Variants in MYO5A observed in about 807,000 individuals in gnomAD.
The protein encoded by MYO5A is unconventional myosin-Va.
A neutral mutation model predicts 249.7 loss-of-function variants in MYO5A; 98 were observed. The ratio of observed to expected loss-of-function variants is 0.39; its 90% CI spans 0.33 to 0.46. The LOEUF (loss-of-function observed/expected upper bound fraction) is 0.46. MYO5A is among the 20% of genes least tolerant of loss of function. The probability of loss-of-function intolerance (pLI) is 0.98; values close to 1 mark genes in which losing one functional copy is unlikely to be tolerated. For synonymous variants in MYO5A, 778 were observed against 810.6 expected (o/e 0.96, Z 0.68); for missense variants, 1,696 against 2,308.8 (o/e 0.73, Z 5.44).
chr15:52,464,099 C>A (rs1014779283), intron 1 of MYO5A, among the ~76,000 whole-genome samples: 1 of 152,192 alleles, frequency 6.6e-6, no homozygotes, highest in African/African-American at 2.4e-5. Context: ...ATTAGTAATA[C>A]CTGCCTCAGA....
intron 9 of MYO5A, among the ~76,000 whole-genome samples, chr15:52,403,696 G>A (rs777524925): frequency 3.3e-5 from 5 of 152,258 alleles, no homozygotes; most frequent in African/African-American, 4.8e-5. Flanking sequence ...TATGATATAC[G>A]AATTATATCT....
chr15:52,480,826 A>G (rs2222656), intron 1 of MYO5A, among the ~76,000 whole-genome samples: 8,812 of 152,222 alleles, frequency 0.058, 751 homozygotes, highest in African/African-American at 0.19. Flanking sequence ...ACAGTGCTAC[A>G]AAGTGCCAAA....
At chr15:52,497,844 A>G (rs941207680) in intron 1 of MYO5A, among the ~76,000 whole-genome samples, 2 of 151,924 alleles carry the variant, frequency 1.3e-5, no homozygotes. Flanking sequence ...GAAATAAAGC[A>G]ATTTCTTTAT....
intron 1 of MYO5A, among the ~76,000 whole-genome samples, chr15:52,526,384 A>ATTTTTTTTTTTTTTTTTTTTTTTTTT: frequency 6.6e-6 from 1 of 151,780 alleles, no homozygotes; most frequent in South Asian, 2.1e-4. Context: ...TTATTTATTT[A>ATTTTTTTTTTTTTTTTTTTTTTTTTT]TTTTTTGAGA....
At chr15:52,510,525 G>A (rs1193379059) in intron 1 of MYO5A, among the ~76,000 whole-genome samples, 1 of 152,230 alleles carries the variant, frequency 6.6e-6, no homozygotes, top group Non-Finnish European at 1.5e-5. Context: ...CCTCACAGCA[G>A]GAGGTGAGTG....
chr15:52,330,146 C>A (rs1275793118), intron 35 of MYO5A, among the ~76,000 whole-genome samples: 1 of 151,964 alleles, frequency 6.6e-6, no homozygotes, highest in African/African-American at 2.4e-5. Flanking sequence ...CTTGAGCAAT[C>A]CTTGTAGGTG....
At chr15:52,403,871 T>C (rs2693467) in intron 9 of MYO5A, among the ~76,000 whole-genome samples, 15,440 of 152,030 alleles carry the variant, frequency 0.1, 800 homozygotes, top group South Asian at 0.15. Flanking sequence ...CTTAGGAAAA[T>C]TACACCTCAA....
At chr15:52,459,678 T>C (rs971014703) in intron 1 of MYO5A, among the ~76,000 whole-genome samples, 1 of 152,250 alleles carries the variant, frequency 6.6e-6, no homozygotes, top group East Asian at 1.9e-4. Context: ...CAATGAGCTG[T>C]TGGGTACACC....
At chr15:52,496,173 A>C (rs2077034719) in intron 1 of MYO5A, among the ~76,000 whole-genome samples, 1 of 152,170 alleles carries the variant, frequency 6.6e-6, no homozygotes. Flanking sequence ...AGAAGATTAT[A>C]AGGATATAGG....
rs572061450 is a variant in MYO5A, at chr15:52,417,598, T to C, written c.456-1297A>G. On this transcript the variant is annotated intron_variant, in intron 4 of 41. Coordinates refer to ENST00000399233, the MANE Select transcript of MYO5A (RefSeq NM_001382347.1). ...TGTTGAAATTTAATTGCCAACATGA[T>C]GATATTGGGAGGTGGGGCCTTTAAG... Among the ~76,000 whole-genome samples, 59 of 152,294 alleles carry C rather than the reference T, an allele frequency of 3.9e-4. No individual in the cohort carries two copies. In the South Asian group the frequency reaches 0.011, roughly 29 times the overall value.
chr15:52,375,807 C>G (rs139341394), intron 19 of MYO5A, among the ~76,000 whole-genome samples: 1 of 152,226 alleles, frequency 6.6e-6, no homozygotes, highest in Non-Finnish European at 1.5e-5. Flanking sequence ...ATAGAACAGA[C>G]AGACATACAC....
At chr15:52,379,585 G>A in intron 18 of MYO5A, 40 bp downstream of exon 18, 2 of 1,560,946 alleles carry the variant, frequency 1.3e-6, no homozygotes, top group Non-Finnish European at 1.8e-6. Flanking sequence ...AGAACCACAA[G>A]GCCTTCTGCT....
rs200767601 is a variant in MYO5A, at chr15:52,501,063, G to A, written c.27+27717C>T. Among the ~76,000 whole-genome samples, 191 of 151,760 alleles carry A rather than the reference G, an allele frequency of 1.3e-3. 1 individual carries two copies. The highest frequency in any genetic ancestry group is 7.2e-3 in the East Asian group (37 of 5,138). Reference sequence around the variant, plus strand: ...TGGCTCGCTGCAAGCTCCGCCTCCCGGGTTCACGCCATTCTCCTGCCTCAG... The same window carrying A: ...TGGCTCGCTGCAAGCTCCGCCTCCCAGGTTCACGCCATTCTCCTGCCTCAG... On this transcript the variant is annotated intron_variant, in intron 1 of 41. Coordinates refer to ENST00000399233, the MANE Select transcript of MYO5A (RefSeq NM_001382347.1).
At chr15:52,391,508 T>G (rs1477611979) in intron 12 of MYO5A, among the ~76,000 whole-genome samples, 31 of 152,236 alleles carry the variant, frequency 2.0e-4, no homozygotes, top group Admixed American at 1.6e-3. Flanking sequence ...ATATTAAAGA[T>G]ACAACTCCAT....
At chr15:52,509,179 C>T (rs1344564728) in intron 1 of MYO5A, among the ~76,000 whole-genome samples, 2 of 152,064 alleles carry the variant, frequency 1.3e-5, no homozygotes, top group Non-Finnish European at 2.9e-5. Flanking sequence ...ACCATGTTGC[C>T]CTGGCTTGGA....
chr15:52,435,600 A>C (rs2075645375), intron 1 of MYO5A: 1 of 452,916 alleles, frequency 2.2e-6, no homozygotes, highest in Non-Finnish European at 4.4e-6. Flanking sequence ...TTACTGACAA[A>C]TATTTTCAAG....
chr15:52,376,510 C>T lies in MYO5A; in HGVS notation c.2257G>A (p.Gly753Ser), dbSNP rs776415086. 1.9e-6 allele frequency: 3 copies of T among 1,614,128 alleles called. No individual in the cohort carries two copies. The highest frequency in any genetic ancestry group is 1.7e-6 in the Non-Finnish European group (2 of 1,180,014). The change falls in exon 19 of 42, where the codon GGT (glycine) becomes AGT (serine). Residue 753 changes from glycine to serine, a missense_variant. By Grantham distance (56) the Gly-to-Ser change is moderately conservative. Transcript: ENST00000399233. ...AATTTTTCTAGATAGGCCACTTGAC[C>T]GGCACGGAAAAAGATCTTTGTCTTA... ...FGKTKIFFRAGQVAYLEKLRA... is the reference protein window; with the variant it reads ...FGKTKIFFRASQVAYLEKLRA...
At chr15:52,448,148 G>T (rs1342058685) in intron 1 of MYO5A, among the ~76,000 whole-genome samples, 1 of 152,246 alleles carries the variant, frequency 6.6e-6, no homozygotes, top group African/African-American at 2.4e-5. Flanking sequence ...TGTGGGGTGG[G>T]GCAGAGCCCT....
At chr15:52,410,226 A>G in intron 6 of MYO5A, 107 bp downstream of exon 6, 1 of 1,328,920 alleles carries the variant, frequency 7.5e-7, no homozygotes, top group Admixed American at 1.7e-5. Flanking sequence ...TAATATTGTC[A>G]TAATATGCTC....
Sources: allele counts gnomAD v4.1 joint callset (sites outside exome capture counted in the v4.1 genomes callset), GRCh38; gene constraint gnomAD v4.1.1; transcripts MANE v1.5; gene names NCBI Gene and HGNC (gene_info 2026-07-23, HGNC 2026-07-21).